The following SLC35F1 variants were observed in gnomAD, a reference collection of about 807,000 sequenced individuals.
SLC35F1 encodes chromosome 6 open reading frame 169.
Under a neutral mutation model 48.7 loss-of-function variants are expected in SLC35F1, and 14 were observed. The ratio of observed to expected loss-of-function variants is 0.29; its 90% confidence interval spans 0.19 to 0.45. The LOEUF (loss-of-function observed/expected upper bound fraction) is 0.45, where lower values mean the gene tolerates loss of function less well. Among genes scored for constraint, SLC35F1 ranks in the 20% least tolerant of loss-of-function variants. The pLI, the probability that SLC35F1 is intolerant of heterozygous loss-of-function variation, is 1.00. For missense variants in SLC35F1, 404 were observed against 500.0 expected, an observed-to-expected ratio of 0.81 and a Z score of 1.83; for synonymous variants, 190 against 202.2, an observed-to-expected ratio of 0.94 and a Z score of 0.51.
At chr6:118,193,615 T>C (rs972503540) in intron 2 of SLC35F1, among the ~76,000 whole-genome samples, 3 of 152,222 alleles carry the variant, frequency 2.0e-5, no homozygotes, top group African/African-American at 7.2e-5. Flanking sequence ...AAAATTTTTT[T>C]CAGTGGTCTC....
At chr6:118,157,181 C>T (rs892632776) in intron 2 of SLC35F1, among the ~76,000 whole-genome samples, 5 of 152,162 alleles carry the variant, frequency 3.3e-5, no homozygotes, top group Admixed American at 1.3e-4. Context: ...GGAGTAGAGG[C>T]CCATCCAACG....
At chr6:118,279,020 G>C (rs1205707904) in intron 6 of SLC35F1, among the ~76,000 whole-genome samples, 1 of 152,176 alleles carries the variant, frequency 6.6e-6, no homozygotes, top group African/African-American at 2.4e-5. Flanking sequence ...GAAGGACAGT[G>C]TAAAAGGAAC....
chr6:118,063,667 G>A (rs1772574883), intron 1 of SLC35F1, among the ~76,000 whole-genome samples: 1 of 151,924 alleles, frequency 6.6e-6, no homozygotes, highest in African/African-American at 2.4e-5. Context: ...TAATCACCAA[G>A]GATTACTGGG....
intron 7 of SLC35F1, among the ~76,000 whole-genome samples, chr6:118,309,917 T>C (rs1170711184): frequency 6.6e-6 from 1 of 152,222 alleles, no homozygotes; most frequent in African/African-American, 2.4e-5. Context: ...CTCAGTCAGA[T>C]TGTTTTAAGC....
intron 1 of SLC35F1, among the ~76,000 whole-genome samples, chr6:117,933,745 T>G (rs908370721): frequency 2.6e-5 from 4 of 152,174 alleles, no homozygotes; most frequent in Non-Finnish European, 5.9e-5. Flanking sequence ...CAGAGAGGGC[T>G]CTTGTGATAA....
chr6:118,182,519 A>AGAGAGAAGGAAGGAAG, intron 2 of SLC35F1, among the ~76,000 whole-genome samples: 1 of 106,346 alleles, frequency 9.4e-6, no homozygotes, highest in Non-Finnish European at 1.9e-5. Flanking sequence ...AGAGAGAGAG[A>AGAGAGAAGGAAGGAAG]GAAGGAAGGA....
At position 118,016,757 on chromosome 6, in the gene SLC35F1, C is replaced by T. The variant is rs557771822; in HGVS notation, c.173+108858C>T. On this transcript the variant is annotated intron_variant, in intron 1 of 7. Coordinates refer to ENST00000360388, the MANE Select transcript of SLC35F1 (RefSeq NM_001029858.4). ...GGATTCTTTGCTGCTGTCCTTGGTTCTTCTCATCCAAAAGCTTCTTTTTAA... is the reference window on the plus strand; with the variant it reads ...GGATTCTTTGCTGCTGTCCTTGGTTTTTCTCATCCAAAAGCTTCTTTTTAA... Among the ~76,000 whole-genome samples the T allele has an allele frequency of 2.1e-3, 318 of 152,320 alleles. 1 individual carries two copies. The highest frequency in any genetic ancestry group is 7.4e-3 in the African/African-American group (307 of 41,570).
chr6:118,217,239 C>T (rs1415676554), intron 2 of SLC35F1, among the ~76,000 whole-genome samples: 1 of 152,108 alleles, frequency 6.6e-6, no homozygotes, highest in East Asian at 1.9e-4. Context: ...CTCAAGTGTC[C>T]ATCAGTAAAT....
At chr6:118,086,309 A>G (rs1436518023) in intron 1 of SLC35F1, among the ~76,000 whole-genome samples, 1 of 152,046 alleles carries the variant, frequency 6.6e-6, no homozygotes, top group Non-Finnish European at 1.5e-5. Context: ...TGTCTTCTGT[A>G]TTGTCTACCT....
chr6:118,065,487 A>G (rs1029773174), intron 1 of SLC35F1, among the ~76,000 whole-genome samples: 2 of 152,186 alleles, frequency 1.3e-5, no homozygotes, highest in African/African-American at 4.8e-5. Context: ...GGATATCCCA[A>G]TTACCCTGAC....
At chr6:118,052,072 AAAT>A (rs1165468812) in intron 1 of SLC35F1, among the ~76,000 whole-genome samples, 2 of 152,080 alleles carry the variant, frequency 1.3e-5, no homozygotes, top group Non-Finnish European at 2.9e-5. Context: ...TCCAGGTGGT[AAAT>A]GCTGGCTCTT....
At chr6:117,912,863 AT>A (rs1024520992) in intron 1 of SLC35F1, among the ~76,000 whole-genome samples, 159 of 152,328 alleles carry the variant, frequency 1.0e-3, no homozygotes, top group African/African-American at 3.6e-3. Context: ...ATTAACGTGT[AT>A]TAAAATATAC....
rs190692120 is a variant in SLC35F1 at position 118,172,665 on chromosome 6, A to G, written c.349+18045A>G. Among the ~76,000 whole-genome samples, 417 of 152,256 alleles carry G rather than the reference A, an allele frequency of 2.7e-3. 2 individuals are homozygous for G. Among genetic ancestry groups the G allele is most frequent in the African/African-American group, 9.8e-3 (407 of 41,538 alleles). ...TCTGTGGCTCAGATTTCCTGGCTCA[A>G]AAAAATGGGGATATCTGTCAAATAA... On this transcript the variant is annotated intron_variant, in intron 2 of 7. Coordinates refer to ENST00000360388, the MANE Select transcript of SLC35F1 (RefSeq NM_001029858.4).
chr6:118,285,395 TG>T (rs1339904342), intron 7 of SLC35F1, 57 bp downstream of exon 7: 1 of 1,588,590 alleles, frequency 6.3e-7, no homozygotes, highest in Non-Finnish European at 8.6e-7. Context: ...ACAATGAACA[TG>T]GGTAGGAATG....
At chr6:118,131,256 C>T (rs1773707721) in intron 1 of SLC35F1, among the ~76,000 whole-genome samples, 1 of 151,108 alleles carries the variant, frequency 6.6e-6, no homozygotes, top group Non-Finnish European at 1.5e-5. Context: ...CAAAAAAAAT[C>T]TGTTAACATT....
At chr6:118,266,905 CT>C in intron 3 of SLC35F1, 89 bp from the exon 4 acceptor site, 1 of 1,436,756 alleles carries the variant, frequency 7.0e-7, no homozygotes, top group Non-Finnish European at 9.7e-7. Context: ...AGGCAGAACC[CT>C]TTCTGCAGAA....
intron 2 of SLC35F1, among the ~76,000 whole-genome samples, chr6:118,192,540 A>T (rs1293632714): frequency 3.3e-5 from 5 of 152,184 alleles, no homozygotes; most frequent in African/African-American, 1.2e-4. Context: ...AACTGTGGAA[A>T]TGACTTTAAA....
intron 2 of SLC35F1, among the ~76,000 whole-genome samples, chr6:118,181,187 A>G (rs1774572682): frequency 6.6e-6 from 1 of 152,146 alleles, no homozygotes; most frequent in Admixed American, 6.6e-5. Flanking sequence ...TGAAGAAGGA[A>G]TGGTAAGTAA....
At chr6:117,923,638 C>CATATATACATATGTACATATACAT (rs1562238569) in intron 1 of SLC35F1, among the ~76,000 whole-genome samples, 1 of 50,950 alleles carries the variant, frequency 2.0e-5, no homozygotes, top group African/African-American at 7.5e-5. Context: ...CATATATGTA[C>CATATATACATATGTACATATACAT]ATATGTACAT....
Sources: allele counts gnomAD v4.1 joint callset (sites outside exome capture counted in the v4.1 genomes callset), GRCh38; gene constraint gnomAD v4.1.1; transcripts MANE v1.5; gene names NCBI Gene and HGNC (gene_info 2026-07-23, HGNC 2026-07-21).